Variants in MOB3B observed in about 807,000 individuals in gnomAD.
MOB3B encodes MOB kinase activator-like 2B.
A neutral mutation model predicts 18.7 loss-of-function variants in MOB3B; 7 were observed. The ratio of observed to expected loss-of-function variants is 0.37; its 90% confidence interval spans 0.21 to 0.70. The LOEUF is 0.70. Among genes scored for constraint, MOB3B ranks in the 30% least tolerant of loss-of-function variants. The pLI, the probability that MOB3B is intolerant of heterozygous loss-of-function variation, is 0.52. For missense variants in MOB3B, 253 were observed against 281.3 expected (o/e 0.90, Z 0.72); for synonymous variants, 111 against 99.9 (o/e 1.11, Z -0.66).
chr9:27,356,407 G>A (rs1378961018), intron 3 of MOB3B, among the ~76,000 whole-genome samples: 1 of 152,168 alleles, frequency 6.6e-6, no homozygotes, highest in Non-Finnish European at 1.5e-5. Flanking sequence ...CATGTTTGAG[G>A]CCATTCTGTG....
chr9:27,354,262 A>C (rs1021039572), intron 3 of MOB3B, among the ~76,000 whole-genome samples: 3 of 152,242 alleles, frequency 2.0e-5, no homozygotes, highest in Non-Finnish European at 4.4e-5. Flanking sequence ...TAGGGTGACC[A>C]ACCGTCCTAG....
At chr9:27,472,924 A>G (rs76276686) in intron 1 of MOB3B, among the ~76,000 whole-genome samples, 5,269 of 152,338 alleles carry the variant, frequency 0.035, 212 homozygotes, top group East Asian at 0.13. Context: ...AAAAAGAAGC[A>G]TCTAAAAGTC....
chr9:27,351,271 C>G (rs936721830), intron 3 of MOB3B, among the ~76,000 whole-genome samples: 2 of 152,202 alleles, frequency 1.3e-5, no homozygotes, highest in African/African-American at 4.8e-5. Flanking sequence ...TGAAAGATGA[C>G]AGGGCTGCTG....
chr9:27,495,331 AAAAT>A (rs924771867), intron 1 of MOB3B, among the ~76,000 whole-genome samples: 2 of 152,094 alleles, frequency 1.3e-5, no homozygotes, highest in South Asian at 2.1e-4. Flanking sequence ...CCCTGTCTCC[AAAAT>A]AAATAAATAA....
At position 27,496,407 on chromosome 9, in the gene MOB3B, G is replaced by C. The variant is rs1819900420; in HGVS notation, c.-199+33148C>G. On this transcript the variant is annotated intron_variant, in intron 1 of 3. Transcript: ENST00000262244. The stretch of plus-strand genomic sequence containing the variant: ...ATGCATTCTTCTGATCAGACTCTCA[G>C]GTTATTCGATTGGTCAGTTCAGGGC... Among the ~76,000 whole-genome samples the C allele has an allele frequency of 2.0e-5, 3 of 152,294 alleles. 1 individual carries two copies. In the Middle Eastern group the frequency reaches 0.01, roughly 518 times the overall value.
At chr9:27,425,606 T>C (rs1156961217) in intron 2 of MOB3B, among the ~76,000 whole-genome samples, 1 of 152,164 alleles carries the variant, frequency 6.6e-6, no homozygotes, top group Non-Finnish European at 1.5e-5. Flanking sequence ...AGAATACAAA[T>C]AGTTTCATGC....
rs567485009 is a variant in MOB3B, at chr9:27,500,672, C to T, written c.-199+28883G>A. 8.9e-4 allele frequency among the ~76,000 whole-genome samples: 135 copies of T among 152,196 alleles called. 1 individual carries two copies. Among genetic ancestry groups the T allele is most frequent in the African/African-American group, 2.9e-3 (122 of 41,524 alleles). ...AGAAGAAAACCTAGGCAATACCATT[C>T]GGGACATAGGCATGGGCAAGGACTT... On this transcript the variant is annotated intron_variant, in intron 1 of 3. Coordinates refer to ENST00000262244, the MANE Select transcript of MOB3B (RefSeq NM_024761.5).
intron 2 of MOB3B, among the ~76,000 whole-genome samples, chr9:27,402,815 G>C (rs963671519): frequency 6.6e-6 from 1 of 152,232 alleles, no homozygotes; most frequent in Non-Finnish European, 1.5e-5. Context: ...GCCAAGCCAG[G>C]AAAATTTAGG....
At chr9:27,345,879 T>C (rs535780887) in intron 3 of MOB3B, among the ~76,000 whole-genome samples, 3 of 152,342 alleles carry the variant, frequency 2.0e-5, no homozygotes, top group African/African-American at 7.2e-5. Flanking sequence ...GGAAATTATC[T>C]AGCTGCTGCA....
intron 1 of MOB3B, among the ~76,000 whole-genome samples, chr9:27,460,944 C>T (rs148074943): frequency 3.4e-4 from 52 of 152,286 alleles, no homozygotes; most frequent in African/African-American, 1.0e-3. Flanking sequence ...TTTGGGGACT[C>T]TATGTCAATC....
At chr9:27,346,837 A>G (rs1821036780) in intron 3 of MOB3B, among the ~76,000 whole-genome samples, 2 of 152,122 alleles carry the variant, frequency 1.3e-5, no homozygotes, top group East Asian at 1.9e-4. Flanking sequence ...TCTACTAAAA[A>G]TACAAAAAAT....
chr9:27,514,919 C>T (rs986953151), intron 1 of MOB3B, among the ~76,000 whole-genome samples: 4 of 152,186 alleles, frequency 2.6e-5, no homozygotes, highest in African/African-American at 9.7e-5. Flanking sequence ...CTAGGGTCTT[C>T]GCTCAGGACA....
At chr9:27,498,531 C>T (rs1819936256) in intron 1 of MOB3B, among the ~76,000 whole-genome samples, 1 of 152,190 alleles carries the variant, frequency 6.6e-6, no homozygotes. Context: ...TTGCTTCTTA[C>T]TAAAAGAAGT....
At chr9:27,430,719 G>A (rs950240472) in intron 2 of MOB3B, among the ~76,000 whole-genome samples, 6 of 152,104 alleles carry the variant, frequency 3.9e-5, no homozygotes, top group African/African-American at 1.2e-4. Flanking sequence ...ACAGGTCATC[G>A]TGAAACACAA....
rs1191721009 is a variant in MOB3B, at chr9:27,455,756, T to G, written c.-198-8A>C. Reference sequence around the variant, plus strand: ...GGAACCTCATGTTCTTTCCTAAAGGTAGAAGAGAAAAGGGAACACATGAGT... The same window carrying G: ...GGAACCTCATGTTCTTTCCTAAAGGGAGAAGAGAAAAGGGAACACATGAGT... On this transcript the variant is annotated splice_region_variant and splice_polypyrimidine_tract_variant and intron_variant, in intron 1 of 3. Coordinates refer to ENST00000262244, the MANE Select transcript of MOB3B (RefSeq NM_024761.5). 23 of 1,428,356 alleles carry G rather than the reference T, an allele frequency of 1.6e-5. No homozygotes were observed. The highest frequency in any genetic ancestry group is 2.0e-5 in the Non-Finnish European group (22 of 1,097,328). 88.5% of individuals were successfully genotyped at this position (1,428,356 alleles called of 1,614,324 possible). A position where few individuals can be genotyped will look rare whatever the true frequency, so the allele number is the denominator to read the frequency against.
intron 2 of MOB3B, among the ~76,000 whole-genome samples, chr9:27,391,334 A>T (rs1821724668): frequency 6.6e-6 from 1 of 152,214 alleles, no homozygotes; most frequent in South Asian, 2.1e-4. Context: ...AAGTTTATTT[A>T]TATAAATGAA....
chr9:27,492,977 G>T (rs1180625794), intron 1 of MOB3B, among the ~76,000 whole-genome samples: 2 of 152,168 alleles, frequency 1.3e-5, no homozygotes, highest in East Asian at 3.8e-4. Context: ...GCTGTAGAAG[G>T]AAATGAGTAA....
intron 1 of MOB3B, among the ~76,000 whole-genome samples, chr9:27,478,810 G>GAC (rs34976107): frequency 0.098 from 13,822 of 141,232 alleles, 970 homozygotes; most frequent in African/African-American, 0.21. Flanking sequence ...GGATTAAAAA[G>GAC]ACACACACAC....
intron 2 of MOB3B, among the ~76,000 whole-genome samples, chr9:27,361,980 C>G (rs35991106): frequency 2.0e-5 from 3 of 152,180 alleles, no homozygotes; most frequent in Non-Finnish European, 2.9e-5. Context: ...AGCCAGCCCC[C>G]CTACCCTCCA....
Sources: gnomAD v4.1 joint callset for allele counts (sites outside exome capture counted in the v4.1 genomes callset) on GRCh38, gnomAD v4.1.1 for gene constraint, MANE v1.5 for transcripts, NCBI Gene and HGNC (gene_info 2026-07-23, HGNC 2026-07-21) for gene names.